OSBPL10: variants seen among roughly 807,000 people sequenced by gnomAD.
OSBPL10 encodes oxysterol binding protein like 10.
A neutral mutation model predicts 81.7 loss-of-function variants in OSBPL10; 49 were observed. That is an observed-to-expected ratio of 0.60 (90% CI 0.48 to 0.76). The LOEUF is 0.76. OSBPL10 is among the 30% of genes least tolerant of loss of function. The probability of loss-of-function intolerance (pLI) is 0.00; values close to 1 mark genes in which losing one functional copy is unlikely to be tolerated. For synonymous variants in OSBPL10, 419 were observed against 383.6 expected, an observed-to-expected ratio of 1.09 and a Z score of -1.08; for missense variants, 923 against 987.8, an observed-to-expected ratio of 0.93 and a Z score of 0.88.
At chr3:32,052,066 C>A (rs1440500070) in intron 1 of OSBPL10, among the ~76,000 whole-genome samples, 1 of 151,736 alleles carries the variant, frequency 6.6e-6, no homozygotes, top group Non-Finnish European at 1.5e-5. Context: ...GGAAACATGG[C>A]AAAACCCCAC....
At chr3:31,719,308 C>G (rs1023509038) in intron 6 of OSBPL10, among the ~76,000 whole-genome samples, 1 of 152,198 alleles carries the variant, frequency 6.6e-6, no homozygotes, top group African/African-American at 2.4e-5. Context: ...TGGAAAAATA[C>G]TTACTCCACA....
chr3:32,042,092 G>A (rs1019738128), intron 2 of OSBPL10, among the ~76,000 whole-genome samples: 13 of 152,192 alleles, frequency 8.5e-5, no homozygotes, highest in South Asian at 6.2e-4. Flanking sequence ...AGGAAGGCCC[G>A]TGGAGAGACC....
intron 3 of OSBPL10, among the ~76,000 whole-genome samples, chr3:31,851,078 A>G (rs1475704622): frequency 6.6e-6 from 1 of 152,248 alleles, no homozygotes; most frequent in Admixed American, 6.5e-5. Context: ...AAATTTCACA[A>G]GAGAAAAGAT....
chr3:31,773,990 C>CTAAATG (rs1369968735), intron 4 of OSBPL10, among the ~76,000 whole-genome samples: 10 of 151,874 alleles, frequency 6.6e-5, no homozygotes, highest in Admixed American at 6.6e-5. Flanking sequence ...GGTGAAACCC[C>CTAAATG]GTCTCTACTA....
rs1326623759 is a variant in OSBPL10 at position 31,867,257 on chromosome 3, C to T, written c.537+9176G>A. 2.0e-5 allele frequency among the ~76,000 whole-genome samples: 3 copies of T among 152,136 alleles called. No homozygotes were observed. The East Asian group carries it at 5.8e-4, about 29-fold the overall frequency. On this transcript the variant is annotated intron_variant, in intron 3 of 11. Transcript: ENST00000396556. ...GAGTCAGGCCTGGGGTCCTAGAAGC[C>T]CAGAGAAAAGATTTCTAATGCGATG...
At chr3:31,710,548 G>A (rs2125613604) in intron 6 of OSBPL10, 1 of 152,322 alleles carries the variant, frequency 6.6e-6, no homozygotes, top group Middle Eastern at 3.4e-3. Flanking sequence ...AGCTACACTA[G>A]GAAAGGATTC....
chr3:31,874,718 TGA>T (rs1161861262), intron 3 of OSBPL10, among the ~76,000 whole-genome samples: 1 of 152,140 alleles, frequency 6.6e-6, no homozygotes, highest in Admixed American at 6.5e-5. Context: ...CGCCCGTTAA[TGA>T]GAGGGGGAAA....
At chr3:31,982,956 G>C (rs1184604060), upstream of OSBPL10, among the ~76,000 whole-genome samples, 1 of 152,174 alleles carries the variant, frequency 6.6e-6, no homozygotes, top group Admixed American at 6.6e-5. Flanking sequence ...TAAGCTTTAA[G>C]AGCAGTCATA....
At chr3:31,992,745 G>C (rs1230979907) in intron 2 of OSBPL10, among the ~76,000 whole-genome samples, 1 of 152,218 alleles carries the variant, frequency 6.6e-6, no homozygotes, top group Non-Finnish European at 1.5e-5. Context: ...TGTAATCCCA[G>C]CACTTTGGGA....
chr3:31,906,300 CCTA>C (rs1280825716), intron 1 of OSBPL10, among the ~76,000 whole-genome samples: 7 of 152,126 alleles, frequency 4.6e-5, no homozygotes, highest in African/African-American at 1.7e-4. Flanking sequence ...CCTTTGGCCT[CCTA>C]CTGTTATTAT....
chr3:31,677,847 C>T (rs1165563041), intron 8 of OSBPL10, among the ~76,000 whole-genome samples: 4 of 150,914 alleles, frequency 2.7e-5, no homozygotes, highest in African/African-American at 4.9e-5. Flanking sequence ...TTTGGGAGGC[C>T]GAGGCGGGTG....
chr3:31,888,754 C>T (rs546954546), intron 1 of OSBPL10, among the ~76,000 whole-genome samples: 167 of 152,156 alleles, frequency 1.1e-3, no homozygotes, highest in African/African-American at 3.9e-3. Flanking sequence ...AACCCCATCT[C>T]TACTAAAAAT....
chr3:31,980,005 TA>T (rs1698786855), intron 1 of OSBPL10, among the ~76,000 whole-genome samples: 1 of 151,142 alleles, frequency 6.6e-6, no homozygotes, highest in Non-Finnish European at 1.5e-5. Flanking sequence ...TATTTTATTT[TA>T]TTTATTTATT....
chr3:31,943,450 G>A (rs1290582827), intron 1 of OSBPL10, among the ~76,000 whole-genome samples: 1 of 151,804 alleles, frequency 6.6e-6, no homozygotes, highest in Non-Finnish European at 1.5e-5. Flanking sequence ...AAAAAAACTT[G>A]GACTTTTTTC....
At chr3:31,917,045 C>T (rs571681483) in intron 1 of OSBPL10, among the ~76,000 whole-genome samples, 1 of 152,306 alleles carries the variant, frequency 6.6e-6, no homozygotes, top group South Asian at 2.1e-4. Context: ...TGCCTCCTTG[C>T]ATTACTTTAC....
At chr3:31,860,621 T>C (rs967489150) in intron 3 of OSBPL10, among the ~76,000 whole-genome samples, 4 of 152,182 alleles carry the variant, frequency 2.6e-5, no homozygotes, top group African/African-American at 9.7e-5. Context: ...ATGTTCTTTT[T>C]AGTTTCTTCT....
At position 32,050,508 on chromosome 3, in the gene OSBPL10, A is replaced by G. The variant is rs191348062; in HGVS notation, n.186-3905T>C. ...AAATCTTGAAAAAACTTCTAACCAC[A>G]TCTTTGAAAATACCTCATACACTCA... On this transcript the variant is annotated intron_variant and non_coding_transcript_variant, in intron 1 of 3. Coordinates refer to the OSBPL10 transcript ENST00000479173. 5.9e-5 allele frequency among the ~76,000 whole-genome samples: 9 copies of G among 152,244 alleles called. No homozygotes were observed. The East Asian group carries it at 1.7e-3, about 29-fold the overall frequency.
chr3:31,802,810 A>G (rs1329341609), intron 4 of OSBPL10, among the ~76,000 whole-genome samples: 2 of 152,016 alleles, frequency 1.3e-5, no homozygotes, highest in African/African-American at 4.8e-5. Flanking sequence ...TTTTCCCACT[A>G]CTTGGAAAAA....
intron 6 of OSBPL10, among the ~76,000 whole-genome samples, chr3:31,724,927 C>G (rs934802073): frequency 6.6e-6 from 1 of 152,184 alleles, no homozygotes; most frequent in Non-Finnish European, 1.5e-5. Flanking sequence ...TCTTCAAATT[C>G]CACGTCATCT....
Sources: allele counts gnomAD v4.1 joint callset (sites outside exome capture counted in the v4.1 genomes callset), GRCh38; gene constraint gnomAD v4.1.1; transcripts MANE v1.5; gene names NCBI Gene and HGNC (gene_info 2026-07-23, HGNC 2026-07-21).